Variants in LMBR1 observed in about 807,000 individuals in gnomAD.
LMBR1 encodes the protein limb region 1 protein homolog.
A neutral mutation model predicts 73.9 loss-of-function variants in LMBR1; 52 were observed. The observed-to-expected ratio is 0.70, with a 90% CI of 0.56 to 0.89. LMBR1 has a LOEUF of 0.89. Among genes scored for constraint, LMBR1 ranks in the 40% least tolerant of loss-of-function variants. The probability of loss-of-function intolerance (pLI) is 0.00; values close to 1 mark genes in which losing one functional copy is unlikely to be tolerated. For missense variants in LMBR1, 539 were observed against 579.8 expected (o/e 0.93, Z 0.72); for synonymous variants, 215 against 209.4 (o/e 1.03, Z -0.23).
chr7:156,807,034 C>CT (rs35069242), intron 4 of LMBR1, among the ~76,000 whole-genome samples: 9 of 150,792 alleles, frequency 6.0e-5, no homozygotes, highest in African/African-American at 9.7e-5. Flanking sequence ...GACCATATGA[C>CT]TTTTTTTTTT....
intron 5 of LMBR1, among the ~76,000 whole-genome samples, chr7:156,775,205 G>T (rs117276956): frequency 0.032 from 4,835 of 151,654 alleles, 122 homozygotes; most frequent in South Asian, 0.085. Context: ...CCATCTCTAC[G>T]GAAAATTCAA....
At chr7:156,852,881 A>AC in intron 1 of LMBR1, among the ~76,000 whole-genome samples, 1 of 152,206 alleles carries the variant, frequency 6.6e-6, no homozygotes, top group Non-Finnish European at 1.5e-5. Context: ...AAAAGTACAG[A>AC]AGATAAGCAC....
At position 156,678,656 on chromosome 7, in the gene LMBR1, A is replaced by T. The variant is rs554632247; in HGVS notation, c.*5422T>A. 1 of 152,332 alleles carries T rather than the reference A, an allele frequency of 6.6e-6. No individual in the cohort carries two copies. The highest frequency in any genetic ancestry group is 2.1e-4 in the South Asian group (1 of 4,828). 9.4% of individuals were successfully genotyped at this position (152,332 alleles called of 1,614,324 possible). ...GAGTTCATGGGAGGACTCAGCGGACAGGGAGAGCCCTGTCTGCTGCCCTCA... is the reference window on the plus strand; with the variant it reads ...GAGTTCATGGGAGGACTCAGCGGACTGGGAGAGCCCTGTCTGCTGCCCTCA... On this transcript the variant is annotated 3_prime_UTR_variant, in exon 17 of 17. Transcript: ENST00000353442.
At chr7:156,751,031 G>C (rs923320906) in intron 9 of LMBR1, among the ~76,000 whole-genome samples, 1 of 152,138 alleles carries the variant, frequency 6.6e-6, no homozygotes, top group Admixed American at 6.5e-5. Context: ...GATCACCTGA[G>C]CCCGGGAGGT....
chr7:156,681,766 C>T lies in LMBR1; in HGVS notation c.*2312G>A, dbSNP rs1805079325. Reference sequence around the variant, plus strand: ...AGCTCTGCCTTCCAGGGTCTATCTCCTCTCTTTCACTGGCGTGCAGGAACT... The same window carrying T: ...AGCTCTGCCTTCCAGGGTCTATCTCTTCTCTTTCACTGGCGTGCAGGAACT... On this transcript the variant is annotated 3_prime_UTR_variant, in exon 17 of 17. Transcript: ENST00000353442. 6.6e-6 allele frequency: 1 copy of T among 152,326 alleles called. No homozygotes were observed. The highest frequency in any genetic ancestry group is 2.4e-5 in the African/African-American group (1 of 41,468). The allele number at this position is 152,326 out of a possible 1,614,324, so 9.4% of individuals were successfully genotyped here.
chr7:156,679,193 A>G lies in LMBR1; in HGVS notation c.*4885T>C, dbSNP rs1001197090. On this transcript the variant is annotated 3_prime_UTR_variant, in exon 17 of 17. Coordinates refer to ENST00000353442, the MANE Select transcript of LMBR1 (RefSeq NM_022458.4). The stretch of plus-strand genomic sequence containing the variant: ...GCAGATGTGTATTTTCGGCTTCGCA[A>G]GGTGGTCCTGGGGGTGACTGTGGGA... The G allele has an allele frequency of 6.6e-6, 1 of 152,228 alleles. No individual in the cohort carries two copies. Among genetic ancestry groups the G allele is most frequent in the African/African-American group, 2.4e-5 (1 of 41,448 alleles). The allele number at this position is 152,228 out of a possible 1,614,324, so 9.4% of individuals were successfully genotyped here.
At chr7:156,872,610 G>C (rs1479874902) in intron 1 of LMBR1, among the ~76,000 whole-genome samples, 1 of 151,732 alleles carries the variant, frequency 6.6e-6, no homozygotes, top group African/African-American at 2.4e-5. Flanking sequence ...TCGCATCATT[G>C]GACTCCAGCC....
At chr7:156,819,867 T>C (rs1404079413) in intron 4 of LMBR1, among the ~76,000 whole-genome samples, 2 of 152,144 alleles carry the variant, frequency 1.3e-5, no homozygotes, top group African/African-American at 2.4e-5. Context: ...TGGAATGGAA[T>C]GGCTAGCAGA....
intron 9 of LMBR1, among the ~76,000 whole-genome samples, chr7:156,746,785 A>G (rs1306880368): frequency 2.6e-5 from 4 of 152,198 alleles, no homozygotes; most frequent in Non-Finnish European, 4.4e-5. Flanking sequence ...AACAATGACT[A>G]TCGTAAGAAA....
intron 1 of LMBR1, among the ~76,000 whole-genome samples, chr7:156,869,430 C>G (rs960604531): frequency 5.3e-5 from 8 of 152,140 alleles, no homozygotes; most frequent in Non-Finnish European, 1.5e-5. Context: ...CCAGAACATC[C>G]TTTGGATGTC....
At chr7:156,887,733 C>T (rs1330330675) in intron 1 of LMBR1, among the ~76,000 whole-genome samples, 2 of 152,034 alleles carry the variant, frequency 1.3e-5, no homozygotes, top group Admixed American at 1.3e-4. Context: ...AAAGGCAACC[C>T]TACAGAATGG....
At chr7:156,856,530 G>A (rs908086568) in intron 1 of LMBR1, among the ~76,000 whole-genome samples, 2 of 151,962 alleles carry the variant, frequency 1.3e-5, no homozygotes, top group African/African-American at 4.8e-5. Flanking sequence ...AAACCAGCCA[G>A]GCCAACATCG....
chr7:156,873,216 G>A (rs991395342), intron 1 of LMBR1, among the ~76,000 whole-genome samples: 21 of 151,944 alleles, frequency 1.4e-4, no homozygotes, highest in African/African-American at 4.8e-4. Flanking sequence ...TGGTGGGTTC[G>A]TGGTCTCGCT....
intron 3 of LMBR1, among the ~76,000 whole-genome samples, chr7:156,831,513 G>A (rs1434631175): frequency 6.6e-6 from 1 of 152,030 alleles, no homozygotes; most frequent in Non-Finnish European, 1.5e-5. Context: ...AGATGAGGGA[G>A]ACTAGTCAGA....
At chr7:156,888,358 C>A (rs971408000) in intron 1 of LMBR1, among the ~76,000 whole-genome samples, 21 of 147,690 alleles carry the variant, frequency 1.4e-4, no homozygotes, top group African/African-American at 5.0e-4. Flanking sequence ...TGCAGTGAGC[C>A]GAGATTGAGT....
intron 4 of LMBR1, among the ~76,000 whole-genome samples, chr7:156,796,792 C>T (rs185866479): frequency 3.9e-5 from 6 of 151,934 alleles, no homozygotes; most frequent in Admixed American, 2.6e-4. Context: ...ATATAGGCAC[C>T]GGAATATTTA....
chr7:156,761,705 G>T (rs181844702), intron 8 of LMBR1, among the ~76,000 whole-genome samples: 2 of 152,020 alleles, frequency 1.3e-5, no homozygotes, highest in African/African-American at 4.8e-5. Context: ...GGCCAAGTGC[G>T]GTGGCTCACG....
intron 15 of LMBR1, among the ~76,000 whole-genome samples, chr7:156,717,096 T>C (rs1352506998): frequency 6.6e-6 from 1 of 152,182 alleles, no homozygotes; most frequent in Non-Finnish European, 1.5e-5. Context: ...CTGTGAATGA[T>C]TGTGCCAATG....
intron 5 of LMBR1, among the ~76,000 whole-genome samples, chr7:156,783,533 AT>A (rs1222813332): frequency 2.0e-5 from 3 of 152,116 alleles, no homozygotes; most frequent in Non-Finnish European, 4.4e-5. Flanking sequence ...AAGGCTTTAA[AT>A]ATCATTCGTT....
Sources: allele counts gnomAD v4.1 joint callset (sites outside exome capture counted in the v4.1 genomes callset), GRCh38; gene constraint gnomAD v4.1.1; transcripts MANE v1.5; gene names NCBI Gene and HGNC (gene_info 2026-07-23, HGNC 2026-07-21).